Variants in ADAMTSL1 observed in about 807,000 individuals in gnomAD.
ADAMTSL1 encodes the protein ADAMTS-like protein 1.
A neutral mutation model predicts 201.8 loss-of-function variants in ADAMTSL1; 126 were observed. That is an observed-to-expected ratio of 0.62 (90% CI 0.54 to 0.72). ADAMTSL1 has a LOEUF of 0.72. ADAMTSL1 is among the 30% of genes least tolerant of loss of function. The pLI, the probability that ADAMTSL1 is intolerant of heterozygous loss-of-function variation, is 0.00. For synonymous variants in ADAMTSL1, 1,121 were observed against 903.4 expected (o/e 1.24, Z -4.32); for missense variants, 2,679 against 2,277.8 (o/e 1.18, Z -3.59).
chr9:17,997,461 C>G (rs548483971), intron 1 of ADAMTSL1, among the ~76,000 whole-genome samples: 5 of 152,170 alleles, frequency 3.3e-5, no homozygotes, highest in African/African-American at 1.2e-4. Flanking sequence ...CCTAAACACT[C>G]TAGCCAGAAA....
chr9:18,126,817 C>T (rs1309529246), intron 1 of ADAMTSL1, among the ~76,000 whole-genome samples: 7 of 152,070 alleles, frequency 4.6e-5, no homozygotes, highest in African/African-American at 9.7e-5. Context: ...TATGTCTATG[C>T]TTATGCCTCT....
intron 4 of ADAMTSL1, among the ~76,000 whole-genome samples, chr9:18,580,455 T>A (rs1247198605): frequency 1.3e-5 from 2 of 152,240 alleles, no homozygotes; most frequent in Non-Finnish European, 2.9e-5. Context: ...GGACATTTTT[T>A]CTTCTGTACT....
intron 2 of ADAMTSL1, among the ~76,000 whole-genome samples, chr9:18,203,079 T>C (rs1829513997): frequency 6.6e-6 from 1 of 152,124 alleles, no homozygotes; most frequent in South Asian, 2.1e-4. Context: ...GACCAGGTTA[T>C]ACCCAAGTTC....
chr9:18,671,137 T>A (rs953718843), intron 9 of ADAMTSL1, among the ~76,000 whole-genome samples: 5 of 152,180 alleles, frequency 3.3e-5, no homozygotes, highest in Non-Finnish European at 7.3e-5. Flanking sequence ...CAGGCTATGG[T>A]TGAATCCGTG....
chr9:18,390,523 CAA>C (rs1187433195), intron 2 of ADAMTSL1, among the ~76,000 whole-genome samples: 1 of 152,182 alleles, frequency 6.6e-6, no homozygotes, highest in African/African-American at 2.4e-5. Context: ...TGACAGTAAA[CAA>C]GAGAGGTTTA....
At chr9:18,001,500 T>C (rs760587667) in intron 1 of ADAMTSL1, among the ~76,000 whole-genome samples, 1 of 152,010 alleles carries the variant, frequency 6.6e-6, no homozygotes, top group Non-Finnish European at 1.5e-5. Flanking sequence ...AATAGAAAGC[T>C]ACTGATCCCA....
At chr9:18,791,442 G>A (rs1477900502) in intron 19 of ADAMTSL1, among the ~76,000 whole-genome samples, 1 of 152,162 alleles carries the variant, frequency 6.6e-6, no homozygotes, top group African/African-American at 2.4e-5. Context: ...AGAACACACT[G>A]TGGGCAGCTT....
chr9:18,505,076 G>T, intron 2 of ADAMTSL1, 120 bp downstream of exon 2: 2 of 1,254,264 alleles, frequency 1.6e-6, no homozygotes, highest in Non-Finnish European at 1.1e-6. Context: ...TAAAAGAAAA[G>T]AATTAAAGGA....
intron 2 of ADAMTSL1, among the ~76,000 whole-genome samples, chr9:18,203,093 C>G (rs962682523): frequency 6.6e-6 from 1 of 152,150 alleles, no homozygotes; most frequent in Non-Finnish European, 1.5e-5. Flanking sequence ...CAAGTTCAGA[C>G]TTTGATCCCA....
At chr9:18,072,794 A>T (rs544385122) in intron 1 of ADAMTSL1, among the ~76,000 whole-genome samples, 57 of 152,344 alleles carry the variant, frequency 3.7e-4, no homozygotes, top group Non-Finnish European at 7.1e-4. Context: ...GCGATGAAGA[A>T]TAGTGGAGTT....
At chr9:18,555,889 C>G (rs1821081265) in intron 3 of ADAMTSL1, among the ~76,000 whole-genome samples, 1 of 151,880 alleles carries the variant, frequency 6.6e-6, no homozygotes, top group South Asian at 2.1e-4. Flanking sequence ...CTCACAGAAA[C>G]TTTGTGAGGT....
At chr9:17,983,431 C>T (rs1031623860) in intron 1 of ADAMTSL1, among the ~76,000 whole-genome samples, 1 of 152,038 alleles carries the variant, frequency 6.6e-6, no homozygotes, top group African/African-American at 2.4e-5. Context: ...AGAACCTCTT[C>T]CTTATTGGGT....
chr9:18,183,438 C>G (rs993108571), intron 2 of ADAMTSL1, among the ~76,000 whole-genome samples: 2 of 152,072 alleles, frequency 1.3e-5, no homozygotes, highest in South Asian at 4.1e-4. Context: ...AACGAAAAGG[C>G]AAACCACAGA....
chr9:18,117,353 C>T (rs959192408), intron 1 of ADAMTSL1, among the ~76,000 whole-genome samples: 2 of 152,112 alleles, frequency 1.3e-5, no homozygotes, highest in Non-Finnish European at 2.9e-5. Context: ...TCTCCTACCG[C>T]CTTCACCCTC....
intron 19 of ADAMTSL1, among the ~76,000 whole-genome samples, chr9:18,792,020 G>C (rs1380667440): frequency 6.6e-6 from 1 of 152,146 alleles, no homozygotes; most frequent in Non-Finnish European, 1.5e-5. Context: ...AAATGGGCCA[G>C]GGTAGGAGAG....
intron 2 of ADAMTSL1, among the ~76,000 whole-genome samples, chr9:18,242,005 A>G (rs754964647): frequency 6.6e-6 from 1 of 152,098 alleles, no homozygotes; most frequent in Non-Finnish European, 1.5e-5. Context: ...TTCCTAACAC[A>G]TCTTATAAGG....
At chr9:18,759,976 G>A (rs192228780) in intron 16 of ADAMTSL1, among the ~76,000 whole-genome samples, 3 of 152,186 alleles carry the variant, frequency 2.0e-5, no homozygotes, top group East Asian at 1.9e-4. Flanking sequence ...CTATGACCTC[G>A]ACTGTGTGCA....
At chr9:18,281,691 TC>T (rs1274963312) in intron 2 of ADAMTSL1, among the ~76,000 whole-genome samples, 13 of 152,238 alleles carry the variant, frequency 8.5e-5, no homozygotes, top group African/African-American at 2.7e-4. Context: ...GACAACCTGT[TC>T]CGGGACCATT....
intron 15 of ADAMTSL1, among the ~76,000 whole-genome samples, chr9:18,729,688 A>T (rs2133473455): frequency 6.6e-6 from 1 of 152,340 alleles, no homozygotes; most frequent in South Asian, 2.1e-4. Context: ...TGGGAGATAC[A>T]GTAATGAACA....
Sources: allele counts gnomAD v4.1 joint callset (sites outside exome capture counted in the v4.1 genomes callset), GRCh38; gene constraint gnomAD v4.1.1; transcripts MANE v1.5; gene names NCBI Gene and HGNC (gene_info 2026-07-23, HGNC 2026-07-21).